The following HHAT variants were observed in gnomAD, a reference collection of about 807,000 sequenced individuals.
HHAT encodes protein-cysteine N-palmitoyltransferase HHAT.
A neutral mutation model predicts 70.8 loss-of-function variants in HHAT; 47 were observed. The observed-to-expected ratio is 0.66, with a 90% confidence interval of 0.53 to 0.85. The LOEUF is 0.85. Among genes scored for constraint, HHAT ranks in the 40% least tolerant of loss-of-function variants. The pLI is 0.00. For missense variants in HHAT, 609 were observed against 604.8 expected (o/e 1.01, Z -0.07); for synonymous variants, 228 against 247.6 (o/e 0.92, Z 0.74).
intron 3 of HHAT, among the ~76,000 whole-genome samples, chr1:210,383,940 G>T (rs116115581): frequency 1.5e-3 from 225 of 152,256 alleles, no homozygotes; most frequent in Middle Eastern, 3.4e-3. Flanking sequence ...CTCTCATTCT[G>T]CAGTGGGTTT....
intron 8 of HHAT, among the ~76,000 whole-genome samples, chr1:210,512,362 G>C (rs749182915): frequency 6.6e-6 from 1 of 151,988 alleles, no homozygotes; most frequent in African/African-American, 2.4e-5. Flanking sequence ...CCTTTGGCTA[G>C]TGTGGTGTTG....
intron 10 of HHAT, among the ~76,000 whole-genome samples, chr1:210,603,120 C>T (rs6696688): frequency 0.026 from 3,925 of 152,288 alleles, 61 homozygotes; most frequent in African/African-American, 0.042. Flanking sequence ...TGCCTTTGCT[C>T]GGCTGCTCAG....
chr1:210,668,775 A>AT (rs1013944176), intron 11 of HHAT, among the ~76,000 whole-genome samples: 7 of 151,682 alleles, frequency 4.6e-5, no homozygotes, highest in South Asian at 4.2e-4. Flanking sequence ...TTATTTATTT[A>AT]TTTTTTTTAT....
At chr1:210,359,854 G>C (rs1023150016) in intron 2 of HHAT, among the ~76,000 whole-genome samples, 24 of 151,106 alleles carry the variant, frequency 1.6e-4, no homozygotes, top group African/African-American at 5.6e-4. Context: ...GCGACAGAGC[G>C]AGACTTCTGG....
intron 10 of HHAT, among the ~76,000 whole-genome samples, chr1:210,600,200 A>G (rs944518635): frequency 6.6e-6 from 1 of 152,198 alleles, no homozygotes; most frequent in Non-Finnish European, 1.5e-5. Context: ...TCCCTCGCTG[A>G]ACTGTAAGCC....
intron 11 of HHAT, among the ~76,000 whole-genome samples, chr1:210,641,280 G>A (rs1209204927): frequency 6.6e-6 from 1 of 152,164 alleles, no homozygotes; most frequent in Non-Finnish European, 1.5e-5. Flanking sequence ...AAATGCACAA[G>A]TGTTAAATGT....
intron 9 of HHAT, among the ~76,000 whole-genome samples, chr1:210,537,530 T>C (rs891229429): frequency 1.3e-5 from 2 of 152,166 alleles, no homozygotes; most frequent in African/African-American, 2.4e-5. Context: ...TGGGGTTCAT[T>C]TCTGTGTTCC....
intron 8 of HHAT, 103 bp from the exon 9 acceptor site, chr1:210,513,046 AATCC>A: frequency 1.4e-6 from 1 of 694,230 alleles, no homozygotes; most frequent in Non-Finnish European, 2.5e-6. Context: ...GTGGTAGAGC[AATCC>A]ATTTAGTCAT....
chr1:210,565,716 G>A (rs770258135), intron 9 of HHAT, among the ~76,000 whole-genome samples: 9 of 152,200 alleles, frequency 5.9e-5, no homozygotes, highest in Non-Finnish European at 1.2e-4. Flanking sequence ...CAGGCTGCCA[G>A]TTGGTGGGTT....
At chr1:210,532,738 A>G (rs1342709918) in intron 9 of HHAT, among the ~76,000 whole-genome samples, 4 of 152,174 alleles carry the variant, frequency 2.6e-5, no homozygotes, top group African/African-American at 9.6e-5. Context: ...AAGGTAAGCA[A>G]CTACCTGAGT....
At chr1:210,532,579 TTCCTATAA>T (rs778701724) in intron 9 of HHAT, among the ~76,000 whole-genome samples, 16 of 152,182 alleles carry the variant, frequency 1.1e-4, no homozygotes, top group Non-Finnish European at 2.1e-4. Flanking sequence ...AGCAGGCAAA[TTCCTATAA>T]GCAACTGAGC....
At chr1:210,338,179 C>T (rs1256810606) in intron 1 of HHAT, among the ~76,000 whole-genome samples, 1 of 102,540 alleles carries the variant, frequency 9.8e-6, no homozygotes, top group African/African-American at 4.6e-5. Context: ...AGACCCGCCC[C>T]CATTTAAAAA....
rs753942041 is a variant in HHAT at position 210,587,960 on chromosome 1, C to T, written c.1106C>T (p.Ala369Val). ...HGLLGTLFST[A>V]MTFAFVSYWH... ...CTGCTGGGGACACTGTTTTCCACGG[C>T]GATGACATTTGCATTTGTGAGCTAC... is the stretch of plus-strand genomic sequence containing the variant. The change falls in exon 10 of 12, where the codon GCG (alanine) becomes GTG (valine). Residue 369 changes from alanine (A) to valine (V), a missense_variant. Ala to Val is a moderately conservative substitution (Grantham distance 64, BLOSUM62 0). Coordinates refer to ENST00000261458, the MANE Select transcript of HHAT (RefSeq NM_018194.6). The T allele has an allele frequency of 3.2e-5, 51 of 1,613,986 alleles. No individual in the cohort carries two copies. Among genetic ancestry groups the T allele is most frequent in the African/African-American group, 8.0e-5 (6 of 74,902 alleles).
chr1:210,446,559 A>C (rs960461986), intron 7 of HHAT, among the ~76,000 whole-genome samples: 4 of 152,140 alleles, frequency 2.6e-5, no homozygotes, highest in Non-Finnish European at 4.4e-5. Context: ...ACAAAACACC[A>C]CGTGGTCCGG....
upstream of HHAT, chr1:210,328,331 C>G (rs183966728): frequency 3.3e-5 from 5 of 152,384 alleles, no homozygotes; most frequent in Admixed American, 3.3e-4. Flanking sequence ...AGATCTTCCA[C>G]TCTTTTCACA....
intron 10 of HHAT, among the ~76,000 whole-genome samples, chr1:210,593,352 C>T (rs1461042720): frequency 6.6e-6 from 1 of 152,062 alleles, no homozygotes; most frequent in East Asian, 1.9e-4. Flanking sequence ...TTTGCTATAT[C>T]CCATCAGTTT....
chr1:210,349,221 A>G (rs2086797161), intron 2 of HHAT, among the ~76,000 whole-genome samples, 155 bp downstream of exon 2: 1 of 152,150 alleles, frequency 6.6e-6, no homozygotes, highest in East Asian at 1.9e-4. Context: ...TGAATCAGTG[A>G]CCTGAGTCCA....
At chr1:210,541,333 G>C (rs539978983) in intron 9 of HHAT, among the ~76,000 whole-genome samples, 39 of 152,234 alleles carry the variant, frequency 2.6e-4, no homozygotes, top group Non-Finnish European at 4.4e-4. Flanking sequence ...GAATCCAATA[G>C]ACTGTGGGGT....
At chr1:210,545,793 T>A (rs759171343) in intron 9 of HHAT, among the ~76,000 whole-genome samples, 36 of 152,178 alleles carry the variant, frequency 2.4e-4, no homozygotes, top group Admixed American at 2.0e-3. Context: ...TTGTGTTGTT[T>A]CTCCCTGAAT....
Sources: allele counts gnomAD v4.1 joint callset (sites outside exome capture counted in the v4.1 genomes callset), GRCh38; gene constraint gnomAD v4.1.1; transcripts MANE v1.5; gene names NCBI Gene and HGNC (gene_info 2026-07-23, HGNC 2026-07-21).